Variants in F5 observed in about 807,000 individuals in gnomAD.
The protein encoded by F5 is coagulation factor V, also known as activated protein c cofactor.
In F5, 138 loss-of-function variants were observed where a neutral mutation model predicts 216.4. The observed-to-expected ratio is 0.64, with a 90% confidence interval of 0.56 to 0.73. The LOEUF is 0.73. Among genes scored for constraint, F5 ranks in the 30% least tolerant of loss-of-function variants. F5 has a pLI of 0.00. For synonymous variants in F5, 916 were observed against 930.7 expected (o/e 0.98, Z 0.29); for missense variants, 2,403 against 2,674.0 (o/e 0.90, Z 2.24).
intron 3 of F5, among the ~76,000 whole-genome samples, chr1:169,566,516 G>A (rs1199490180): frequency 1.3e-5 from 2 of 151,846 alleles, no homozygotes; most frequent in African/African-American, 2.4e-5. Flanking sequence ...AGCACTCATC[G>A]CCATTTGTAA....
chr1:169,576,301 C>A lies in F5; in HGVS notation c.251-3958G>T, dbSNP rs183554696. 3.0e-3 allele frequency among the ~76,000 whole-genome samples: 455 copies of A among 152,334 alleles called. 10 individuals carry two copies. Among genetic ancestry groups the A allele is most frequent in the East Asian group, 1.9e-3 (10 of 5,188 alleles). On this transcript the variant is annotated intron_variant, in intron 2 of 24. Coordinates refer to ENST00000367797, the MANE Select transcript of F5 (RefSeq NM_000130.5). ...ACAGAGGTCCTATCTTTCCCTACCC[C>A]TGTCTTGCCACCCACGGTTGTCCTA... is the stretch of plus-strand genomic sequence containing the variant.
At position 169,540,431 on chromosome 1, in the gene F5, A is replaced by C. The variant is rs765649912; in HGVS notation, c.4659T>G (p.Asp1553Glu). The change falls in exon 13 of 25, where the codon GAT (aspartate) becomes GAG (glutamate). Residue 1553 changes from aspartate (D) to glutamate (E), a missense_variant. By Grantham distance (45) the Asp-to-Glu change is conservative. Transcript: ENST00000367797. Reference sequence around the variant, plus strand: ...TGGAGGAGTTGATGTTTGTCCTAACATCAGTTTTGTAGGGGTCATCATAGG... The same window carrying C: ...TGGAGGAGTTGATGTTTGTCCTAACCTCAGTTTTGTAGGGGTCATCATAGG... ...YVPYDDPYKT[D>E]VRTNINSSRD... 2 of 1,614,006 alleles carry C rather than the reference A, an allele frequency of 1.2e-6. No homozygotes were observed. The highest frequency in any genetic ancestry group is 1.7e-5 in the Admixed American group (1 of 59,986).
intron 3 of F5, among the ~76,000 whole-genome samples, chr1:169,568,824 C>T (rs1219002190): frequency 3.9e-5 from 6 of 152,104 alleles, no homozygotes; most frequent in Non-Finnish European, 7.4e-5. Context: ...AGTGAAGTTA[C>T]ATAAAGAGCC....
chr1:169,582,307 T>A, intron 2 of F5, 124 bp downstream of exon 2: 1 of 536,574 alleles, frequency 1.9e-6, no homozygotes. Context: ...TAGCCAGTAC[T>A]TCTTAAAAAA....
At chr1:169,551,420 A>G (rs1660166262) in intron 8 of F5, among the ~76,000 whole-genome samples, 1 of 152,234 alleles carries the variant, frequency 6.6e-6, no homozygotes, top group African/African-American at 2.4e-5. Flanking sequence ...ACTGCACTCC[A>G]GCCTGGGTGA....
rs772893800 is a variant in F5, at chr1:169,572,257, G to T, written c.337C>A (p.His113Asn). The T allele has an allele frequency of 6.2e-7, 1 of 1,612,716 alleles. No homozygotes were observed. The highest frequency in any genetic ancestry group is 2.2e-5 in the East Asian group (1 of 44,842). ...TTACTGTACCTAATTCCTTGAGGAT[G>T]GATGCTCAAGGGCTTATCTGCCTTA... The part of the protein sequence containing the change: ...KNKADKPLSI[H>N]PQGIRYSKLS... Residue 113 changes from histidine to asparagine, a missense_variant, in exon 3 of 25, where the codon CAT becomes AAT. Transcript: ENST00000367797.
intron 13 of F5, among the ~76,000 whole-genome samples, chr1:169,538,305 T>C (rs1398687217): frequency 2.6e-5 from 4 of 152,064 alleles, no homozygotes; most frequent in Non-Finnish European, 5.9e-5. Context: ...AAGCAGAAGG[T>C]AGAACAGTGG....
chr1:169,556,842 G>A lies in F5; in HGVS notation c.756C>T (p.His252=). Residue 252 remains histidine, a synonymous_variant, in exon 6 of 25, where the codon CAC becomes CAT. Transcript: ENST00000367797. Reference sequence around the variant, plus strand: ...TCATTCCCAGCAGATGCCAGCTGATGTGGTCATGGGCACAAACTGTTATAT... The same window carrying A: ...TCATTCCCAGCAGATGCCAGCTGATATGGTCATGGGCACAAACTGTTATAT... ...MPDITVCAHD[H]ISWHLLGMSS... is the part of the protein sequence containing the mutation. 5.6e-6 allele frequency: 9 copies of A among 1,614,028 alleles called. No individual in the cohort carries two copies. Among genetic ancestry groups the A allele is most frequent in the Non-Finnish European group, 7.6e-6 (9 of 1,179,990 alleles).
At chr1:169,530,736 C>T (rs772357200) in intron 15 of F5, 50 bp downstream of exon 15, 1 of 1,506,758 alleles carries the variant, frequency 6.6e-7, no homozygotes, top group Non-Finnish European at 9.2e-7. Flanking sequence ...TGGTGGACTT[C>T]AGATTACGAG....
In F5 at chr1:169,515,618, G is replaced by A. The variant is rs1557903310; in HGVS notation, c.6354C>T (p.Asn2118=). Residue 2118 remains asparagine, a synonymous_variant, in exon 24 of 25, where the codon AAC becomes AAT. Transcript: ENST00000367797. The part of the protein sequence containing the change: ...RVNAWQAKAN[N]NKQWLEIDLL... ...GATCAATTTCTAGCCACTGCTTATT[G>A]TTGTTTGCCTATGAAAATGACAAAA... is the stretch of plus-strand genomic sequence containing the variant. 2 of 1,612,392 alleles carry A rather than the reference G, an allele frequency of 1.2e-6. No homozygotes were observed. The highest frequency in any genetic ancestry group is 1.7e-6 in the Non-Finnish European group (2 of 1,179,454).
chr1:169,565,132 G>A (rs945521248), intron 3 of F5, among the ~76,000 whole-genome samples: 11 of 151,878 alleles, frequency 7.2e-5, no homozygotes, highest in African/African-American at 2.4e-4. Context: ...TCTTCCTCCC[G>A]TCTTCCTTTT....
intron 2 of F5, among the ~76,000 whole-genome samples, chr1:169,573,688 G>A (rs1376862120): frequency 1.3e-5 from 2 of 152,206 alleles, no homozygotes; most frequent in Non-Finnish European, 2.9e-5. Flanking sequence ...TACATGCCAG[G>A]CACTGTGTTA....
At chr1:169,530,357 A>G (rs942008616) in intron 15 of F5, among the ~76,000 whole-genome samples, 9 of 152,228 alleles carry the variant, frequency 5.9e-5, no homozygotes, top group African/African-American at 2.2e-4. Flanking sequence ...TAATTGACAG[A>G]TAAAATTGTA....
In F5 at chr1:169,528,576, T is replaced by C. The variant is rs776353704; in HGVS notation, c.5420-482A>G. Among the ~76,000 whole-genome samples, 30 of 151,874 alleles carry C rather than the reference T, an allele frequency of 2.0e-4. 1 individual carries two copies. Among genetic ancestry groups the C allele is most frequent in the Admixed American group, 7.2e-4 (11 of 15,222 alleles). The stretch of plus-strand genomic sequence containing the variant: ...GTCTAGGAGTTTATAAAATTAGGAG[T>C]TTATCGTTGGTGTATCCAGCAACCA... On this transcript the variant is annotated intron_variant, in intron 16 of 24. Coordinates refer to ENST00000367797, the MANE Select transcript of F5 (RefSeq NM_000130.5).
rs1286998414 is a variant in F5 at position 169,541,015 on chromosome 1, G to C, written c.4075C>G (p.Pro1359Ala). ...GAAAGGGTTGTATGGCTGGGGTCTG[G>C]AGAAAGGGGCATCTGACCGAGGGCT... Reference protein sequence around the residue: ...SPALGQMPLSPDPSHTTLSLD... With the variant: ...SPALGQMPLSADPSHTTLSLD... Residue 1359 changes from proline to alanine, a missense_variant, in exon 13 of 25, where the codon CCA (proline) becomes GCA (alanine). Coordinates refer to ENST00000367797, the MANE Select transcript of F5 (RefSeq NM_000130.5). 6.3e-7 allele frequency: 1 copy of C among 1,591,954 alleles called. No homozygotes were observed. The highest frequency in any genetic ancestry group is 1.1e-5 in the South Asian group (1 of 90,260).
chr1:169,572,163 G>C (rs762516562), intron 3 of F5, 58 bp downstream of exon 3: 225 of 1,540,168 alleles, frequency 1.5e-4, no homozygotes, highest in Non-Finnish European at 1.9e-4. Flanking sequence ...AAATGTTGAT[G>C]CTGGTATTAA....
At chr1:169,568,324 G>A (rs1413314522) in intron 3 of F5, among the ~76,000 whole-genome samples, 1 of 152,090 alleles carries the variant, frequency 6.6e-6, no homozygotes, top group Admixed American at 6.6e-5. Flanking sequence ...ATTACACTGA[G>A]TGAGATGGCT....
intron 3 of F5, among the ~76,000 whole-genome samples, chr1:169,571,826 G>A (rs1461881140): frequency 6.6e-6 from 1 of 152,146 alleles, no homozygotes; most frequent in Non-Finnish European, 1.5e-5. Flanking sequence ...GCAGAGTTGA[G>A]TACTTGCAAC....
In F5 at chr1:169,556,846, T is replaced by C; in HGVS notation, c.752A>G (p.Asp251Gly). The C allele has an allele frequency of 6.2e-7, 1 of 1,613,956 alleles. No homozygotes were observed. The highest frequency in any genetic ancestry group is 8.5e-7 in the Non-Finnish European group (1 of 1,179,978). The change falls in exon 6 of 25, where the codon GAC becomes GGC. Residue 251 changes from aspartate (D) to glycine (G), a missense_variant. Asp to Gly is a moderately conservative substitution (Grantham distance 94). Coordinates refer to ENST00000367797, the MANE Select transcript of F5 (RefSeq NM_000130.5). ...TCCCAGCAGATGCCAGCTGATGTGG[T>C]CATGGGCACAAACTGTTATATCTGA... ...TMPDITVCAH[D>G]HISWHLLGMS...
Sources: gnomAD v4.1 joint callset for allele counts (sites outside exome capture counted in the v4.1 genomes callset) on GRCh38, gnomAD v4.1.1 for gene constraint, MANE v1.5 for transcripts, NCBI Gene and HGNC (gene_info 2026-07-23, HGNC 2026-07-21) for gene names.